CSNK1A1: variants seen among roughly 807,000 people sequenced by gnomAD.
CSNK1A1 encodes the protein casein kinase 1 alpha 1.
A neutral mutation model predicts 46.1 loss-of-function variants in CSNK1A1; 7 were observed. That is an observed-to-expected ratio of 0.15 (90% CI 0.09 to 0.29). CSNK1A1 has a LOEUF of 0.29. Ranked by LOEUF, CSNK1A1 falls within the 10% of genes least tolerant of loss-of-function variation. The pLI is 1.00. For synonymous variants in CSNK1A1, 137 were observed against 141.5 expected, an observed-to-expected ratio of 0.97 and a Z score of 0.23; for missense variants, 96 against 417.1, an observed-to-expected ratio of 0.23 and a Z score of 6.71.
chr5:149,507,978 T>C (rs558600819), intron 7 of CSNK1A1, among the ~76,000 whole-genome samples: 42 of 152,300 alleles, frequency 2.8e-4, no homozygotes, highest in African/African-American at 9.6e-4. Context: ...GCTCTAGGTA[T>C]CAGTCACCAA....
intron 2 of CSNK1A1, among the ~76,000 whole-genome samples, chr5:149,540,182 C>T (rs921817769): frequency 5.9e-5 from 9 of 152,150 alleles, no homozygotes; most frequent in African/African-American, 2.2e-4. Context: ...AACCCTTTTA[C>T]AAGTAAGAAC....
At chr5:149,529,541 TG>T (rs1489199002) in intron 2 of CSNK1A1, 3 of 318,918 alleles carry the variant, frequency 9.4e-6, no homozygotes, top group Non-Finnish European at 1.9e-5. Context: ...GAAAATAGTC[TG>T]CTACCAGTCA....
intron 5 of CSNK1A1, among the ~76,000 whole-genome samples, chr5:149,512,814 A>C (rs945398855): frequency 6.6e-6 from 1 of 152,214 alleles, no homozygotes; most frequent in Non-Finnish European, 1.5e-5. Flanking sequence ...TCAACATTGC[A>C]CTTATGCTTC....
intron 9 of CSNK1A1, chr5:149,499,003 A>T (rs1301437530): frequency 1.0e-6 from 1 of 985,358 alleles, no homozygotes; most frequent in Non-Finnish European, 1.2e-6. Flanking sequence ...AGAGCAGTCA[A>T]ATCCAGCTTT....
At chr5:149,539,085 T>A (rs1255665284) in intron 2 of CSNK1A1, among the ~76,000 whole-genome samples, 1 of 152,172 alleles carries the variant, frequency 6.6e-6, no homozygotes, top group African/African-American at 2.4e-5. Flanking sequence ...TAGGAATGCA[T>A]CTGAAACATG....
chr5:149,537,881 T>G (rs1408421683), intron 2 of CSNK1A1, among the ~76,000 whole-genome samples: 1 of 151,356 alleles, frequency 6.6e-6, no homozygotes, highest in Non-Finnish European at 1.5e-5. Flanking sequence ...TGTCCTCACA[T>G]AGTTTGAGAT....
chr5:149,497,045 A>C (rs1245020789), intron 9 of CSNK1A1, 185 bp from the exon 10 acceptor site: 4 of 1,415,110 alleles, frequency 2.8e-6, no homozygotes, highest in Non-Finnish European at 3.7e-6. Context: ...ACTTAAAACT[A>C]ATTTTTTCTG....
chr5:149,544,735 C>CCATATATATATATATATATA (rs1762408202), intron 2 of CSNK1A1, among the ~76,000 whole-genome samples: 1 of 21,690 alleles, frequency 4.6e-5, no homozygotes, highest in African/African-American at 2.3e-4. Context: ...GGGTAAAGAG[C>CCATATATATATATATATATA]TTTATATATA....
intron 2 of CSNK1A1, among the ~76,000 whole-genome samples, chr5:149,534,482 C>CAAAAAAAAAAAAAAAAAAAAAAA (rs10597922): frequency 1.1e-5 from 1 of 94,984 alleles, no homozygotes; most frequent in African/African-American, 4.2e-5. Flanking sequence ...GACTCTGTCT[C>CAAAAAAAAAAAAAAAAAAAAAAA]AAAAAAAAAA....
At chr5:149,542,595 TA>T (rs1561771988) in intron 2 of CSNK1A1, among the ~76,000 whole-genome samples, 15 of 2,832 alleles carry the variant, frequency 5.3e-3, no homozygotes, top group African/African-American at 0.027. Flanking sequence ...TACAAATTTA[TA>T]TATATATATA....
intron 2 of CSNK1A1, among the ~76,000 whole-genome samples, chr5:149,539,503 T>C (rs187377516): frequency 6.6e-6 from 1 of 151,692 alleles, no homozygotes; most frequent in East Asian, 1.9e-4. Flanking sequence ...AGTATAGCCT[T>C]ATTAGGTTGT....
intron 2 of CSNK1A1, among the ~76,000 whole-genome samples, chr5:149,531,467 G>A (rs919204619): frequency 1.3e-5 from 2 of 151,430 alleles, no homozygotes; most frequent in African/African-American, 4.9e-5. Flanking sequence ...GCAGTGAGCC[G>A]AGATCACGCT....
At chr5:149,535,575 C>A (rs965675775) in intron 2 of CSNK1A1, among the ~76,000 whole-genome samples, 3 of 152,146 alleles carry the variant, frequency 2.0e-5, no homozygotes, top group Non-Finnish European at 4.4e-5. Flanking sequence ...AAAAAGAAAT[C>A]AAACACACTC....
intron 4 of CSNK1A1, among the ~76,000 whole-genome samples, chr5:149,516,534 TC>T (rs1166453828): frequency 6.6e-6 from 1 of 151,688 alleles, no homozygotes; most frequent in African/African-American, 2.4e-5. Flanking sequence ...ATTCACAAGG[TC>T]ACTTTACTAA....
intron 2 of CSNK1A1, among the ~76,000 whole-genome samples, chr5:149,530,644 T>C (rs577634416): frequency 1.3e-5 from 2 of 152,240 alleles, no homozygotes; most frequent in South Asian, 2.1e-4. Flanking sequence ...CTAACTCAAA[T>C]TGTCTCTTTA....
intron 2 of CSNK1A1, among the ~76,000 whole-genome samples, chr5:149,542,638 ATG>A (rs1561772517): frequency 0.092 from 1,181 of 12,770 alleles, 165 homozygotes; most frequent in South Asian, 0.16. Flanking sequence ...ATATATATAT[ATG>A]TATATATATA....
At chr5:149,543,447 A>T (rs893624731) in intron 2 of CSNK1A1, among the ~76,000 whole-genome samples, 12 of 152,092 alleles carry the variant, frequency 7.9e-5, no homozygotes, top group Non-Finnish European at 2.9e-5. Flanking sequence ...CTTCAAGTTA[A>T]AAAGCACATT....
chr5:149,530,583 T>C (rs534348688), intron 2 of CSNK1A1, among the ~76,000 whole-genome samples: 5 of 152,268 alleles, frequency 3.3e-5, no homozygotes, highest in East Asian at 3.9e-4. Flanking sequence ...TCCTTTTTAA[T>C]GGGAGCAGAA....
At chr5:149,499,305 A>AGGG (rs1191831606) in intron 9 of CSNK1A1, 1 of 496,070 alleles carries the variant, frequency 2.0e-6, no homozygotes, top group Non-Finnish European at 2.4e-6. Flanking sequence ...TTAAAAAAAA[A>AGGG]GGGGAGGGGG....
Sources: gnomAD v4.1 joint callset for allele counts (sites outside exome capture counted in the v4.1 genomes callset) on GRCh38, gnomAD v4.1.1 for gene constraint, MANE v1.5 for transcripts, NCBI Gene and HGNC (gene_info 2026-07-23, HGNC 2026-07-21) for gene names.